The following GALNT13 variants were observed in gnomAD, a reference collection of about 807,000 sequenced individuals.
GALNT13 encodes the protein polypeptide N-acetylgalactosaminyltransferase 13, also known as UDP-GalNAc:polypeptide N-acetylgalactosaminyltransferase 13.
Under a neutral mutation model 64.2 loss-of-function variants are expected in GALNT13, and 28 were observed. That is an observed-to-expected ratio of 0.44 (90% CI 0.32 to 0.60). The LOEUF (loss-of-function observed/expected upper bound fraction) is 0.60, where lower values mean the gene tolerates loss of function less well. Ranked by LOEUF, GALNT13 falls within the 20% of genes least tolerant of loss-of-function variation. The pLI is 0.05. For synonymous variants in GALNT13, 214 were observed against 224.6 expected (o/e 0.95, Z 0.42); for missense variants, 577 against 669.8 (o/e 0.86, Z 1.53).
At chr2:153,644,425 G>T in the GALNT13 span, among the ~76,000 whole-genome samples, 99,844 of 151,784 alleles carry the variant, frequency 0.66, 34,273 homozygotes, top group Non-Finnish European at 0.76. Context: ...TGAAGCTTAA[G>T]GGCTAGGTAG....
chr2:153,653,596 A>G, the GALNT13 span, among the ~76,000 whole-genome samples: 1 of 152,194 alleles, frequency 6.6e-6, no homozygotes, highest in African/African-American at 2.4e-5. Context: ...TCCAATGACC[A>G]AAGCTGGGAC....
chr2:154,109,585 T>C (rs1702819357), intron 3 of GALNT13, among the ~76,000 whole-genome samples: 1 of 152,162 alleles, frequency 6.6e-6, no homozygotes, highest in African/African-American at 2.4e-5. Flanking sequence ...TTATTCACCA[T>C]TGAATATAAA....
the GALNT13 span, among the ~76,000 whole-genome samples, chr2:153,279,386 C>T: frequency 6.6e-6 from 1 of 151,922 alleles, no homozygotes; most frequent in South Asian, 2.1e-4. Context: ...AGGACTTGGT[C>T]CTGTACTATA....
the GALNT13 span, among the ~76,000 whole-genome samples, chr2:153,311,599 C>T: frequency 6.6e-6 from 1 of 152,164 alleles, no homozygotes. Flanking sequence ...GATCCACGAC[C>T]GTGCCTCCCT....
chr2:153,331,656 G>A, the GALNT13 span, among the ~76,000 whole-genome samples: 1 of 151,834 alleles, frequency 6.6e-6, no homozygotes, highest in East Asian at 1.9e-4. Context: ...TATATTTGCT[G>A]GCAGCTGATT....
the GALNT13 span, among the ~76,000 whole-genome samples, chr2:153,630,781 ATATATATATATATATATATATATATATTT>A: frequency 1.1e-4 from 1 of 8,816 alleles, no homozygotes. Context: ...ATATATATAT[ATATATATATATATATATATATATATATTT>A]TTTTTTTTTT....
intron 11 of GALNT13, among the ~76,000 whole-genome samples, chr2:154,416,112 T>C (rs757681772): frequency 2.0e-5 from 3 of 152,198 alleles, no homozygotes; most frequent in Non-Finnish European, 4.4e-5. Flanking sequence ...CTCTGGTCTT[T>C]GCTGACTTTG....
In GALNT13 at chr2:154,283,236, G is replaced by A. The variant is rs552974344; in HGVS notation, c.976-18173G>A. Among the ~76,000 whole-genome samples the A allele has an allele frequency of 2.9e-3, 440 of 152,138 alleles. 4 individuals are homozygous for A. Among genetic ancestry groups the A allele is most frequent in the African/African-American group, 0.01 (436 of 41,530 alleles). ...GGGATTTTTTTTTATTATTTTTGAA[G>A]CAAACAGGAATATGGAACAAAATAT... On this transcript the variant is annotated intron_variant, in intron 8 of 12. Transcript: ENST00000392825.
At chr2:154,250,901 A>G (rs1466353474) in intron 7 of GALNT13, among the ~76,000 whole-genome samples, 1 of 152,140 alleles carries the variant, frequency 6.6e-6, no homozygotes, top group East Asian at 1.9e-4. Context: ...CGTTGTGAGC[A>G]GAACAAAGAC....
At chr2:153,347,328 G>A in the GALNT13 span, among the ~76,000 whole-genome samples, 438 of 152,308 alleles carry the variant, frequency 2.9e-3, no homozygotes, top group African/African-American at 0.01. Flanking sequence ...GGGATGTGTG[G>A]AGATTGTGGG....
the GALNT13 span, among the ~76,000 whole-genome samples, chr2:153,806,471 G>A: frequency 2.0e-5 from 3 of 151,708 alleles, no homozygotes; most frequent in African/African-American, 2.4e-5. Context: ...AAATATAGGC[G>A]GGAAATTATA....
the GALNT13 span, among the ~76,000 whole-genome samples, chr2:153,370,235 A>C: frequency 2.6e-5 from 4 of 152,162 alleles, no homozygotes; most frequent in African/African-American, 9.6e-5. Flanking sequence ...TTCATTCATG[A>C]ATATTACCAA....
chr2:153,437,166 TTTGA>T, the GALNT13 span, among the ~76,000 whole-genome samples: 1 of 152,186 alleles, frequency 6.6e-6, no homozygotes, highest in Non-Finnish European at 1.5e-5. Context: ...TGAGTTCTAG[TTTGA>T]TTGCACTATG....
At chr2:153,084,152 A>G in the GALNT13 span, among the ~76,000 whole-genome samples, 3 of 152,124 alleles carry the variant, frequency 2.0e-5, no homozygotes, top group African/African-American at 7.2e-5. Context: ...TTATAGTATA[A>G]TTTGAAGTTG....
the GALNT13 span, among the ~76,000 whole-genome samples, chr2:153,359,305 C>A: frequency 6.6e-6 from 1 of 152,164 alleles, no homozygotes; most frequent in South Asian, 2.1e-4. Flanking sequence ...AATCATACTC[C>A]CATTTACAGT....
chr2:153,348,822 C>T, the GALNT13 span, among the ~76,000 whole-genome samples: 1 of 152,050 alleles, frequency 6.6e-6, no homozygotes, highest in African/African-American at 2.4e-5. Flanking sequence ...TAATTGTTGC[C>T]CGGTCCCCAG....
At chr2:153,343,758 T>G in the GALNT13 span, among the ~76,000 whole-genome samples, 618 of 152,198 alleles carry the variant, frequency 4.1e-3, 5 homozygotes, top group African/African-American at 0.013. Flanking sequence ...ACTTAACTCA[T>G]CTTATTATAA....
the GALNT13 span, among the ~76,000 whole-genome samples, chr2:153,294,411 A>G: frequency 6.6e-6 from 1 of 152,194 alleles, no homozygotes; most frequent in Non-Finnish European, 1.5e-5. Flanking sequence ...GTGTGCATCT[A>G]TAATCTCAGT....
chr2:153,333,759 G>A, the GALNT13 span, among the ~76,000 whole-genome samples: 5 of 152,128 alleles, frequency 3.3e-5, no homozygotes, highest in African/African-American at 1.2e-4. Context: ...AATATGAAAA[G>A]TCTTCAAATA....
Sources: gnomAD v4.1 joint callset for allele counts (sites outside exome capture counted in the v4.1 genomes callset) on GRCh38, gnomAD v4.1.1 for gene constraint, MANE v1.5 for transcripts, NCBI Gene and HGNC (gene_info 2026-07-23, HGNC 2026-07-21) for gene names.